Variants in COL27A1 observed in about 807,000 individuals in gnomAD.
COL27A1 encodes collagen type XXVII alpha 1 chain, also known as collagen alpha-1(XXVII) chain.
COL27A1 carries 106 observed loss-of-function variants against 251.3 expected under a neutral mutation model. That is an observed-to-expected ratio of 0.42 (90% CI 0.36 to 0.50). The LOEUF (loss-of-function observed/expected upper bound fraction) is 0.50. COL27A1 is among the 20% of genes least tolerant of loss of function. COL27A1 has a pLI of 0.00. For synonymous variants in COL27A1, 1,000 were observed against 986.3 expected, an observed-to-expected ratio of 1.01 and a Z score of -0.26; for missense variants, 2,325 against 2,522.8, an observed-to-expected ratio of 0.92 and a Z score of 1.68.
chr9:114,253,522 C>CAGA (rs1833713345), intron 27 of COL27A1, among the ~76,000 whole-genome samples: 1 of 110,122 alleles, frequency 9.1e-6, no homozygotes, highest in Non-Finnish European at 2.2e-5. Context: ...AACAGAAGAA[C>CAGA]AGAAGAGAAG....
rs759255537 is a variant in COL27A1, at chr9:114,155,977, C to G, written c.27C>G (p.Ala9=). 79 of 1,292,352 alleles carry G rather than the reference C, an allele frequency of 6.1e-5. No individual in the cohort carries two copies. Among genetic ancestry groups the G allele is most frequent in the Non-Finnish European group, 7.4e-5 (75 of 1,017,294 alleles). The allele number at this position is 1,292,352 out of a possible 1,614,324, so 80.1% of individuals were successfully genotyped here. ...TGGGAGCGGGATCGGCGCGGGGGGC[C>G]CGAGGCACAGCGGCGGCGGCGGCGG... MGAGSARG[A]RGTAAAAAAR... Residue 9 remains alanine, a synonymous_variant, in exon 1 of 61, where the codon GCC becomes GCG. Transcript: ENST00000356083. The surrounding 1 kb of genome is among the most constrained non-coding windows in gnomAD (Gnocchi z 5.5).
At chr9:114,253,991 G>A (rs1013277539) in intron 27 of COL27A1, among the ~76,000 whole-genome samples, 2 of 152,092 alleles carry the variant, frequency 1.3e-5, no homozygotes, top group East Asian at 1.9e-4. Flanking sequence ...GATCACAAGC[G>A]TGTGCCACCA....
At position 114,253,927 on chromosome 9, in the gene COL27A1, C is replaced by T. The variant is rs181886713; in HGVS notation, c.3141+995C>T. On this transcript the variant is annotated intron_variant, in intron 27 of 60. Transcript: ENST00000356083. ...GGGGCCCAATCTCCACTCACTGCAA[C>T]CTCCACCTCCTGGGTTCAAGAGATT... 4.2e-4 allele frequency among the ~76,000 whole-genome samples: 64 copies of T among 152,292 alleles called. No homozygotes were observed. The East Asian group carries it at 0.012, about 29-fold the overall frequency.
intron 12 of COL27A1, chr9:114,218,297 T>G (rs556325236): frequency 6.2e-6 from 1 of 162,446 alleles, no homozygotes. Flanking sequence ...AAAGACATGA[T>G]CTGGAAACAC....
In COL27A1 at chr9:114,290,786, C is replaced by T. The variant is rs1827858873; in HGVS notation, c.4369-24C>T. ...GCTGTATCGTGAAACACAAGAGACC[C>T]TCCTCTGCCTGCTTTCTTAACAGGG... On this transcript the variant is annotated intron_variant, in intron 47 of 60. Coordinates refer to ENST00000356083, the MANE Select transcript of COL27A1 (RefSeq NM_032888.4). The surrounding 1 kb of genome is among the most constrained non-coding windows in gnomAD (Gnocchi z 4.6). The T allele has an allele frequency of 1.3e-6, 2 of 1,512,370 alleles. No homozygotes were observed. Among genetic ancestry groups the T allele is most frequent in the Non-Finnish European group, 1.8e-6 (2 of 1,119,292 alleles). The allele number at this position is 1,512,370 out of a possible 1,614,324, so 93.7% of individuals were successfully genotyped here.
Position 114,269,256 on chromosome 9 carries a change from C to T in COL27A1, c.3517C>T (p.Leu1173=). ...EAGMKGDLGP[L]GTPGEQGLIG... Reference sequence around the variant, plus strand: ...CTTCTCCTAGGGTGACCTTGGACCCCTGGGCACTCCTGGGGAGCAGGGCCT... The same window carrying T: ...CTTCTCCTAGGGTGACCTTGGACCCTTGGGCACTCCTGGGGAGCAGGGCCT... Residue 1173 remains leucine (L), a synonymous_variant, in exon 35 of 61, where the codon CTG becomes TTG. Transcript: ENST00000356083. 6.2e-7 allele frequency: 1 copy of T among 1,605,184 alleles called. No individual in the cohort carries two copies. Among genetic ancestry groups the T allele is most frequent in the Non-Finnish European group, 8.5e-7 (1 of 1,175,338 alleles).
chr9:114,156,111 G>A, intron 1 of COL27A1, 99 bp downstream of exon 1: 1 of 1,280,710 alleles, frequency 7.8e-7, no homozygotes, highest in East Asian at 2.9e-5. Flanking sequence ...CCAGCGGAAC[G>A]TCAGCTTCCT....
intron 4 of COL27A1, among the ~76,000 whole-genome samples, chr9:114,179,771 A>G (rs1473431902): frequency 6.6e-6 from 1 of 152,092 alleles, no homozygotes; most frequent in African/African-American, 2.4e-5. Flanking sequence ...AGATAAAGTC[A>G]AAGAGAGTAA....
At chr9:114,283,848 C>T in intron 40 of COL27A1, 86 bp downstream of exon 40, 1 of 1,378,610 alleles carries the variant, frequency 7.3e-7, no homozygotes, top group Non-Finnish European at 1.0e-6. Context: ...GCCCCACCAC[C>T]TCCCAGCTGA....
chr9:114,296,860 A>T (rs1828292183), intron 49 of COL27A1, among the ~76,000 whole-genome samples: 1 of 152,246 alleles, frequency 6.6e-6, no homozygotes, highest in Non-Finnish European at 1.5e-5. Context: ...ATGAAATACA[A>T]TTCATCAGTA....
At chr9:114,306,224 T>C in intron 57 of COL27A1, 1 of 263,628 alleles carries the variant, frequency 3.8e-6, no homozygotes, top group Admixed American at 5.1e-5. Flanking sequence ...CTGCCGAGTG[T>C]CCCACGCACC....
At chr9:114,201,729 A>G (rs566395815) in intron 7 of COL27A1, among the ~76,000 whole-genome samples, 2 of 151,764 alleles carry the variant, frequency 1.3e-5, no homozygotes, top group African/African-American at 2.4e-5. Context: ...GGCTCTTTCA[A>G]CTCAGTTACT....
chr9:114,257,003 C>T (rs1482365985), intron 27 of COL27A1, among the ~76,000 whole-genome samples: 7 of 152,184 alleles, frequency 4.6e-5, no homozygotes, highest in Non-Finnish European at 7.3e-5. Context: ...GGGCCAAGCC[C>T]GGGTCCACAC....
chr9:114,217,912 G>A (rs1017990264), intron 12 of COL27A1: 87 of 448,176 alleles, frequency 1.9e-4, no homozygotes, highest in African/African-American at 1.4e-3. Flanking sequence ...CCAGGAGTTC[G>A]AGACCAGCTT....
chr9:114,275,894 C>T, intron 37 of COL27A1, 126 bp downstream of exon 37: 1 of 619,900 alleles, frequency 1.6e-6, no homozygotes, highest in Non-Finnish European at 2.8e-6. Context: ...GTGGTCCTTT[C>T]TCCACCTGGC....
chr9:114,257,347 C>G (rs1833988703), intron 27 of COL27A1, among the ~76,000 whole-genome samples: 1 of 130,048 alleles, frequency 7.7e-6, no homozygotes, highest in Non-Finnish European at 1.6e-5. Flanking sequence ...GTCTCTCAAG[C>G]TGGGCCTGGA....
chr9:114,235,364 C>T (rs560807865), intron 16 of COL27A1, among the ~76,000 whole-genome samples: 71 of 152,320 alleles, frequency 4.7e-4, no homozygotes, highest in African/African-American at 1.6e-3. Flanking sequence ...CTGTTAGTGG[C>T]ATTTTCAGCC....
intron 4 of COL27A1, among the ~76,000 whole-genome samples, chr9:114,181,840 T>C (rs976702485): frequency 1.3e-5 from 2 of 152,178 alleles, no homozygotes; most frequent in African/African-American, 4.8e-5. Flanking sequence ...GCCACAAATC[T>C]GCTGTATGAC....
rs1476063363 is a variant in COL27A1 at position 114,205,087 on chromosome 9, T to C, written c.2125-15T>C. ...TGTCCTCCCTGCCTGATGCAGCTTC[T>C]TCCCCCTCCAACAGGGACACAAGGG... On this transcript the variant is annotated splice_polypyrimidine_tract_variant and intron_variant, in intron 7 of 60. Coordinates refer to ENST00000356083, the MANE Select transcript of COL27A1 (RefSeq NM_032888.4). 6.2e-7 allele frequency: 1 copy of C among 1,613,452 alleles called. No individual in the cohort carries two copies. Among genetic ancestry groups the C allele is most frequent in the African/African-American group, 1.3e-5 (1 of 75,048 alleles).
Sources: gnomAD v4.1 joint callset for allele counts (sites outside exome capture counted in the v4.1 genomes callset) on GRCh38, gnomAD v4.1.1 for gene constraint, Gnocchi (gnomAD v3.1) non-coding constraint, MANE v1.5 for transcripts, NCBI Gene and HGNC (gene_info 2026-07-23, HGNC 2026-07-21) for gene names.